The following PTN variants were observed in gnomAD, a reference collection of about 807,000 sequenced individuals.
PTN encodes the protein heparin affin regulatory protein.
In PTN, 18 loss-of-function variants were observed where a neutral mutation model predicts 24.1. That is an observed-to-expected ratio of 0.75 (90% CI 0.52 to 1.11). The LOEUF (loss-of-function observed/expected upper bound fraction) is 1.11, where lower values mean the gene tolerates loss of function less well. Ranked by LOEUF, PTN falls within the 50% of genes least tolerant of loss-of-function variation. The pLI is 0.00. For synonymous variants in PTN, 78 were observed against 68.6 expected (o/e 1.14, Z -0.67); for missense variants, 163 against 198.8 (o/e 0.82, Z 1.08).
At chr7:137,277,495 G>A (rs188361950) in intron 1 of PTN, among the ~76,000 whole-genome samples, 1 of 152,200 alleles carries the variant, frequency 6.6e-6, no homozygotes, top group East Asian at 1.9e-4. Context: ...GCCAAAAATG[G>A]TAATAACCAA....
At chr7:137,291,017 AATG>A (rs1165841475) in intron 1 of PTN, among the ~76,000 whole-genome samples, 2 of 152,206 alleles carry the variant, frequency 1.3e-5, no homozygotes, top group African/African-American at 2.4e-5. Context: ...ATTGAAGCTG[AATG>A]ATGAAAAATT....
intron 1 of PTN, among the ~76,000 whole-genome samples, chr7:137,269,427 C>G (rs1198942366): frequency 6.6e-6 from 1 of 152,058 alleles, no homozygotes; most frequent in East Asian, 1.9e-4. Context: ...GGGTTCTCCC[C>G]CTGTCAGATC....
chr7:137,317,947 C>T (rs1158103432), intron 1 of PTN, among the ~76,000 whole-genome samples: 1 of 152,196 alleles, frequency 6.6e-6, no homozygotes, highest in South Asian at 2.1e-4. Flanking sequence ...ATTTTCTAGA[C>T]AAGATAGACT....
intron 1 of PTN, among the ~76,000 whole-genome samples, chr7:137,310,606 A>G (rs996145610): frequency 7.9e-5 from 12 of 151,936 alleles, no homozygotes; most frequent in Admixed American, 2.0e-4. Context: ...GGGTTTCACC[A>G]TGTTGGCCAG....
chr7:137,272,397 C>T (rs957473521), intron 1 of PTN, among the ~76,000 whole-genome samples: 1 of 152,220 alleles, frequency 6.6e-6, no homozygotes, highest in African/African-American at 2.4e-5. Context: ...AATCCCCTTT[C>T]CTGGCAAATC....
intron 4 of PTN, among the ~76,000 whole-genome samples, chr7:137,239,717 A>G (rs1808593015): frequency 6.6e-6 from 1 of 152,162 alleles, no homozygotes; most frequent in Non-Finnish European, 1.5e-5. Context: ...ATGTCCCTAC[A>G]AAGGACATGA....
In PTN at chr7:137,317,144, T is replaced by G. The variant is rs1207039109; in HGVS notation, c.-2+26295A>C. Reference sequence around the variant, plus strand: ...GTTTGTGAATCTGTCACTCCATATGTCAGGCTTGATGAAAATCGGCCTGGG... The same window carrying G: ...GTTTGTGAATCTGTCACTCCATATGGCAGGCTTGATGAAAATCGGCCTGGG... On this transcript the variant is annotated intron_variant, in intron 1 of 4. Transcript: ENST00000348225. Among the ~76,000 whole-genome samples, 5 of 152,158 alleles carry G rather than the reference T, an allele frequency of 3.3e-5. No individual in the cohort carries two copies. The East Asian group carries it at 9.7e-4, about 29-fold the overall frequency.
At chr7:137,336,230 C>A (rs1227780537) in intron 1 of PTN, among the ~76,000 whole-genome samples, 1 of 152,144 alleles carries the variant, frequency 6.6e-6, no homozygotes, top group African/African-American at 2.4e-5. Flanking sequence ...ACATCATCAT[C>A]ATTTCCCACT....
intron 4 of PTN, among the ~76,000 whole-genome samples, chr7:137,231,824 T>G (rs1471637081): frequency 6.6e-6 from 1 of 151,974 alleles, no homozygotes; most frequent in East Asian, 1.9e-4. Context: ...TATATGAAAT[T>G]TATCCAGGTT....
intron 4 of PTN, among the ~76,000 whole-genome samples, chr7:137,248,912 T>C (rs1808773048): frequency 6.6e-6 from 1 of 152,328 alleles, no homozygotes; most frequent in South Asian, 2.1e-4. Context: ...TTATATACCA[T>C]AATTTATTTA....
Position 137,343,434 on chromosome 7 carries a change from C to G in PTN, c.-2+5G>C, listed in dbSNP as rs1810567016. The G allele has an allele frequency of 1.9e-6, 1 of 513,806 alleles. No homozygotes were observed. The highest frequency in any genetic ancestry group is 2.0e-5 in the Admixed American group (1 of 51,132). The allele number at this position is 513,806 out of a possible 1,614,324, so 31.8% of individuals were successfully genotyped here. The stretch of plus-strand genomic sequence containing the variant: ...TCCGAGAAATCGTACGTTCCTCTCA[C>G]TTACTTTGAGTTGGAAACGTCCTCT... On this transcript the variant is annotated splice_donor_5th_base_variant and intron_variant, in intron 1 of 4. Coordinates refer to ENST00000348225, the MANE Select transcript of PTN (RefSeq NM_002825.7).
At chr7:137,325,176 T>C (rs1810238055) in intron 1 of PTN, among the ~76,000 whole-genome samples, 1 of 152,182 alleles carries the variant, frequency 6.6e-6, no homozygotes, top group Non-Finnish European at 1.5e-5. Flanking sequence ...CTGTGTTAAA[T>C]GGCTTTCTTA....
chr7:137,317,285 G>T (rs1810088475), intron 1 of PTN, among the ~76,000 whole-genome samples: 1 of 152,192 alleles, frequency 6.6e-6, no homozygotes, highest in African/African-American at 2.4e-5. Flanking sequence ...TACCCTCGGT[G>T]CAGAAATCAG....
intron 1 of PTN, among the ~76,000 whole-genome samples, chr7:137,331,609 G>A (rs1333162439): frequency 6.6e-6 from 1 of 152,154 alleles, no homozygotes; most frequent in African/African-American, 2.4e-5. Context: ...GCCCTGGAGC[G>A]ACACGCATCA....
At chr7:137,312,646 T>G (rs1052481437) in intron 1 of PTN, among the ~76,000 whole-genome samples, 2 of 152,098 alleles carry the variant, frequency 1.3e-5, no homozygotes, top group Non-Finnish European at 2.9e-5. Flanking sequence ...TATTAACCAC[T>G]GGAGAGATTT....
At chr7:137,323,752 C>T (rs899226397) in intron 1 of PTN, among the ~76,000 whole-genome samples, 3 of 152,140 alleles carry the variant, frequency 2.0e-5, no homozygotes, top group African/African-American at 7.2e-5. Context: ...ATTAGAATCA[C>T]CATGAGGGCT....
chr7:137,257,189 G>T (rs1808942644), intron 1 of PTN, among the ~76,000 whole-genome samples: 1 of 152,174 alleles, frequency 6.6e-6, no homozygotes, highest in Non-Finnish European at 1.5e-5. Context: ...CACAAGCCTA[G>T]ATTAGCTACT....
chr7:137,284,248 G>A (rs753837127), intron 1 of PTN, among the ~76,000 whole-genome samples: 2 of 151,830 alleles, frequency 1.3e-5, no homozygotes, highest in African/African-American at 4.8e-5. Context: ...GAGCCACCGC[G>A]CCGGGCCGAG....
intron 1 of PTN, among the ~76,000 whole-genome samples, chr7:137,309,047 T>C (rs1399186633): frequency 2.0e-5 from 3 of 152,164 alleles, no homozygotes; most frequent in Non-Finnish European, 4.4e-5. Context: ...GAGGGTTAGA[T>C]ACAATTTCTC....
Sources: gnomAD v4.1 joint callset for allele counts (sites outside exome capture counted in the v4.1 genomes callset) on GRCh38, gnomAD v4.1.1 for gene constraint, MANE v1.5 for transcripts, NCBI Gene and HGNC (gene_info 2026-07-23, HGNC 2026-07-21) for gene names.